PDLIM5: variants seen among roughly 807,000 people sequenced by gnomAD.
PDLIM5 encodes the protein PDZ and LIM domain 5.
In PDLIM5, 34 loss-of-function variants were observed where a neutral mutation model predicts 64.2. The ratio of observed to expected loss-of-function variants is 0.53; its 90% CI spans 0.40 to 0.71. PDLIM5 has a LOEUF of 0.71. PDLIM5 is among the 30% of genes least tolerant of loss of function. The pLI, the probability that PDLIM5 is intolerant of heterozygous loss-of-function variation, is 0.00. For synonymous variants in PDLIM5, 253 were observed against 269.1 expected (o/e 0.94, Z 0.59); for missense variants, 683 against 733.6 (o/e 0.93, Z 0.80).
At chr4:94,561,875 A>T (rs1180643109) in intron 3 of PDLIM5, among the ~76,000 whole-genome samples, 2 of 152,236 alleles carry the variant, frequency 1.3e-5, no homozygotes, top group African/African-American at 2.4e-5. Context: ...TTGGAACAAC[A>T]CATATAGTAA....
chr4:94,472,368 A>G (rs1404572639), intron 2 of PDLIM5, among the ~76,000 whole-genome samples: 1 of 152,152 alleles, frequency 6.6e-6, no homozygotes, highest in Non-Finnish European at 1.5e-5. Flanking sequence ...TTCTTTCCAC[A>G]GTGATTGCCA....
intron 3 of PDLIM5, among the ~76,000 whole-genome samples, chr4:94,524,289 A>C (rs1045380054): frequency 6.8e-6 from 1 of 148,046 alleles, no homozygotes; most frequent in Non-Finnish European, 1.5e-5. Flanking sequence ...GGATTGCTTG[A>C]GCCCAGGAGG....
intron 2 of PDLIM5, among the ~76,000 whole-genome samples, chr4:94,480,691 C>T (rs915663123): frequency 6.6e-6 from 1 of 152,144 alleles, no homozygotes; most frequent in South Asian, 2.1e-4. Context: ...CCCTTCAGAC[C>T]TCTGCCATTG....
intron 3 of PDLIM5, among the ~76,000 whole-genome samples, chr4:94,555,367 T>C (rs1297540526): frequency 6.6e-6 from 1 of 152,226 alleles, no homozygotes; most frequent in Non-Finnish European, 1.5e-5. Context: ...ATGCATTTTT[T>C]ACTTATGATA....
chr4:94,587,793 T>C (rs1220557358), intron 7 of PDLIM5: 1 of 889,110 alleles, frequency 1.1e-6, no homozygotes, highest in Non-Finnish European at 1.3e-6. Flanking sequence ...AGGAAATATC[T>C]CTAGTGGATA....
chr4:94,578,591 C>T (rs1389161), intron 5 of PDLIM5, among the ~76,000 whole-genome samples: 149,603 of 152,256 alleles, frequency 0.98, 73,524 homozygotes, highest in East Asian at 1. Flanking sequence ...GATATTTAGA[C>T]TGAGAAATAA....
At chr4:94,476,429 A>G (rs1280476656) in intron 2 of PDLIM5, among the ~76,000 whole-genome samples, 1 of 152,182 alleles carries the variant, frequency 6.6e-6, no homozygotes, top group Non-Finnish European at 1.5e-5. Context: ...TAAAAATTAT[A>G]CATATATATA....
intron 8 of PDLIM5, among the ~76,000 whole-genome samples, chr4:94,638,554 TAATC>T (rs1255823974): frequency 6.6e-6 from 1 of 152,250 alleles, no homozygotes; most frequent in African/African-American, 2.4e-5. Context: ...TTATCCTAAT[TAATC>T]TTTCCCAATT....
chr4:94,497,062 C>T (rs1463589189), intron 2 of PDLIM5, among the ~76,000 whole-genome samples: 1 of 152,206 alleles, frequency 6.6e-6, no homozygotes, highest in Non-Finnish European at 1.5e-5. Context: ...TTTAAGCTTA[C>T]ACCAAATGGG....
chr4:94,512,403 A>G (rs1728969696), intron 2 of PDLIM5, among the ~76,000 whole-genome samples: 1 of 152,146 alleles, frequency 6.6e-6, no homozygotes, highest in Non-Finnish European at 1.5e-5. Context: ...ACAGTGTACA[A>G]GGGTTCCCTT....
chr4:94,639,295 G>T (rs185765213), intron 8 of PDLIM5, among the ~76,000 whole-genome samples: 1 of 152,174 alleles, frequency 6.6e-6, no homozygotes, highest in Admixed American at 6.5e-5. Flanking sequence ...TATGCAGCAC[G>T]TGGAAGCAGG....
intron 3 of PDLIM5, among the ~76,000 whole-genome samples, chr4:94,525,930 CA>C (rs1214012853): frequency 6.6e-6 from 1 of 152,096 alleles, no homozygotes; most frequent in African/African-American, 2.4e-5. Flanking sequence ...AGACATGTAA[CA>C]TGAAAGTTGT....
At chr4:94,630,367 T>A (rs1478628504) in intron 8 of PDLIM5, among the ~76,000 whole-genome samples, 2 of 152,042 alleles carry the variant, frequency 1.3e-5, no homozygotes, top group African/African-American at 4.8e-5. Context: ...ATCCATTGAT[T>A]GATATATATA....
intron 11 of PDLIM5, 107 bp from the exon 12 acceptor site, chr4:94,662,315 G>A: frequency 1.9e-6 from 1 of 535,626 alleles, no homozygotes. Flanking sequence ...TAATATCTTT[G>A]TCTTCAGCAT....
intron 9 of PDLIM5, among the ~76,000 whole-genome samples, chr4:94,644,742 C>T (rs1741274217): frequency 1.3e-5 from 2 of 151,942 alleles, no homozygotes; most frequent in African/African-American, 4.8e-5. Flanking sequence ...GGGATTTCAC[C>T]ATGTTAACCA....
chr4:94,487,199 C>T (rs895737895), intron 2 of PDLIM5, among the ~76,000 whole-genome samples: 1 of 151,906 alleles, frequency 6.6e-6, no homozygotes, highest in African/African-American at 2.4e-5. Flanking sequence ...TGAATGTAAC[C>T]CTAATTTTGC....
Position 94,576,105 on chromosome 4 carries a change from A to C in PDLIM5, c.710+71A>C, listed in dbSNP as rs978535529. On this transcript the variant is annotated intron_variant, in intron 5 of 12. Transcript: ENST00000317968. ...AGGTAATTTCCAGGAAATACTCTACATTCCTCTCCCCCAAAACCAACTTTC... is the reference window on the plus strand; with the variant it reads ...AGGTAATTTCCAGGAAATACTCTACCTTCCTCTCCCCCAAAACCAACTTTC... The C allele has an allele frequency of 3.0e-6, 4 of 1,353,590 alleles. No homozygotes were observed. The African/African-American group carries it at 4.3e-5, about 15-fold the overall frequency. 83.8% of individuals were successfully genotyped at this position (1,353,590 alleles called of 1,614,324 possible).
chr4:94,511,005 A>G (rs1028012597), intron 2 of PDLIM5, among the ~76,000 whole-genome samples: 3 of 152,218 alleles, frequency 2.0e-5, no homozygotes, highest in Non-Finnish European at 4.4e-5. Context: ...GAAAAATTGT[A>G]AAGTCTATGT....
rs1436185084 is a variant in PDLIM5 at position 94,608,050 on chromosome 4, A to G, written c.921-9954A>G. 68 of 1,522,682 alleles carry G rather than the reference A, an allele frequency of 4.5e-5. No homozygotes were observed. The Middle Eastern group carries it at 5.0e-4, about 11-fold the overall frequency. The allele number at this position is 1,522,682 out of a possible 1,614,324, so 94.3% of individuals were successfully genotyped here. On this transcript the variant is annotated intron_variant, in intron 7 of 12. Transcript: ENST00000317968. ...CTTTGCCTTATATATTTTACTTCTG[A>G]AAACTTAGGTTTGACAGTGCTCTGG...
Sources: allele counts gnomAD v4.1 joint callset (sites outside exome capture counted in the v4.1 genomes callset), GRCh38; gene constraint gnomAD v4.1.1; transcripts MANE v1.5; gene names NCBI Gene and HGNC (gene_info 2026-07-23, HGNC 2026-07-21).